The following WDR93 variants were observed in gnomAD, a reference collection of about 807,000 sequenced individuals.
WDR93 encodes the protein WD repeat-containing protein 93.
A neutral mutation model predicts 82.9 loss-of-function variants in WDR93; 73 were observed. That is an observed-to-expected ratio of 0.88 (90% confidence interval 0.73 to 1.07). The LOEUF (loss-of-function observed/expected upper bound fraction) is 1.07. Among genes scored for constraint, WDR93 ranks in the 50% least tolerant of loss-of-function variants. WDR93 has a pLI of 0.00. For synonymous variants in WDR93, 283 were observed against 300.1 expected, an observed-to-expected ratio of 0.94 and a Z score of 0.59; for missense variants, 738 against 826.0, an observed-to-expected ratio of 0.89 and a Z score of 1.31.
At chr15:89,694,111 A>T (rs780387025) in intron 1 of WDR93, among the ~76,000 whole-genome samples, 3 of 152,050 alleles carry the variant, frequency 2.0e-5, no homozygotes, top group Non-Finnish European at 4.4e-5. Flanking sequence ...GTGGTATCTC[A>T]TGATTTTAAT....
chr15:89,692,755 C>T (rs376841677), intron 1 of WDR93, among the ~76,000 whole-genome samples: 1 of 152,108 alleles, frequency 6.6e-6, no homozygotes, highest in Non-Finnish European at 1.5e-5. Context: ...TACAGGCATG[C>T]GCCACCACGC....
Position 89,729,738 on chromosome 15 carries a change from T to C in WDR93, c.1179T>C (p.Tyr393=). 1 of 1,613,638 alleles carries C rather than the reference T, an allele frequency of 6.2e-7. No individual in the cohort carries two copies. Among genetic ancestry groups the C allele is most frequent in the Non-Finnish European group, 8.5e-7 (1 of 1,179,924 alleles). Residue 393 remains tyrosine, a synonymous_variant, in exon 11 of 17, where the codon TAT becomes TAC. Transcript: ENST00000268130. Reference sequence around the variant, plus strand: ...CCAGAAGTCACAATTTCTTCCTGTATTCACTAAACCGAACTCTAAAGGATA... The same window carrying C: ...CCAGAAGTCACAATTTCTTCCTGTACTCACTAAACCGAACTCTAAAGGATA... ...HWTRSHNFFL[Y]SLNRTLKDKA... is the part of the protein sequence containing the mutation.
rs190483658 is a variant in WDR93 at position 89,737,027 on chromosome 15, G to C, written c.1609-546G>C. On this transcript the variant is annotated intron_variant, in intron 14 of 16. Coordinates refer to ENST00000268130, the MANE Select transcript of WDR93 (RefSeq NM_020212.2). ...AGGATGGTCTCGATCTCCTGACCTC[G>C]TGATCCGCCCACCTTGGCCTCCCAA... Among the ~76,000 whole-genome samples, 1,289 of 152,242 alleles carry C rather than the reference G, an allele frequency of 8.5e-3. 11 individuals are homozygous for C. Among genetic ancestry groups the C allele is most frequent in the Middle Eastern group, 0.02 (6 of 294 alleles).
At chr15:89,740,612 C>T (rs111730530) in intron 16 of WDR93, among the ~76,000 whole-genome samples, 6 of 152,254 alleles carry the variant, frequency 3.9e-5, no homozygotes, top group African/African-American at 1.4e-4. Context: ...AGCGATTCTC[C>T]TGCCTCAGCC....
At chr15:89,717,191 C>G (rs1966305041) in intron 7 of WDR93, among the ~76,000 whole-genome samples, 1 of 151,462 alleles carries the variant, frequency 6.6e-6, no homozygotes, top group Non-Finnish European at 1.5e-5. Context: ...TCCTGAGTAA[C>G]TAGGATTATA....
intron 11 of WDR93, among the ~76,000 whole-genome samples, chr15:89,730,775 A>G (rs574097190): frequency 6.6e-6 from 1 of 151,738 alleles, no homozygotes; most frequent in Admixed American, 6.6e-5. Flanking sequence ...AGTCCCAACT[A>G]CTCAGGAGGC....
At chr15:89,738,626 CAAAAAA>C (rs34617270) in intron 16 of WDR93, among the ~76,000 whole-genome samples, 1 of 81,458 alleles carries the variant, frequency 1.2e-5, no homozygotes, top group East Asian at 4.1e-4. Context: ...GACTCTGTCC[CAAAAAA>C]AAAAAAAAAA....
At chr15:89,713,763 A>G (rs1042535126) in intron 5 of WDR93, among the ~76,000 whole-genome samples, 8 of 152,068 alleles carry the variant, frequency 5.3e-5, no homozygotes, top group African/African-American at 1.9e-4. Context: ...ATGAGCCACC[A>G]CGCCTGGCGA....
intron 4 of WDR93, among the ~76,000 whole-genome samples, chr15:89,705,998 T>C (rs1222101133): frequency 6.6e-6 from 1 of 152,152 alleles, no homozygotes; most frequent in Non-Finnish European, 1.5e-5. Context: ...TGCCGCCTTG[T>C]CTCCCTACCA....
In WDR93 at chr15:89,731,466, G is replaced by A; in HGVS notation, c.1234G>A (p.Ala412Thr). Residue 412 changes from alanine to threonine, a missense_variant, in exon 12 of 17, where the codon GCT becomes ACT. Transcript: ENST00000268130. ...KADPEGVWPC[A>T]APIAVSQLSC... ...AGACCCCGAGGGTGTGTGGCCCTGT[G>A]CTGCGCCCATTGCAGTCTCTCAGCT... The A allele has an allele frequency of 1.2e-6, 2 of 1,614,184 alleles. No individual in the cohort carries two copies. Among genetic ancestry groups the A allele is most frequent in the East Asian group, 4.5e-5 (2 of 44,878 alleles).
chr15:89,703,033 G>A lies in WDR93; in HGVS notation c.387G>A (p.Leu129=). ...CCAAAGGATTCTCAATTTATAATCT[G>A]TACAGTGCTAAACAAATATATGCGT... ...GGAKGFSIYN[L]YSAKQIYAWE... The change falls in exon 3 of 17, where the codon CTG becomes CTA. Residue 129 remains leucine (L), a synonymous_variant. Coordinates refer to ENST00000268130, the MANE Select transcript of WDR93 (RefSeq NM_020212.2). The A allele has an allele frequency of 1.2e-6, 2 of 1,614,176 alleles. No individual in the cohort carries two copies. Among genetic ancestry groups the A allele is most frequent in the Non-Finnish European group, 8.5e-7 (1 of 1,180,024 alleles).
chr15:89,699,830 G>A (rs959369528), intron 1 of WDR93, among the ~76,000 whole-genome samples: 3 of 152,250 alleles, frequency 2.0e-5, no homozygotes, highest in Admixed American at 2.0e-4. Flanking sequence ...AGATATAACA[G>A]TTACAGCTTT....
intron 9 of WDR93, among the ~76,000 whole-genome samples, chr15:89,727,854 A>G (rs1966799575): frequency 6.6e-6 from 1 of 152,054 alleles, no homozygotes; most frequent in African/African-American, 2.4e-5. Flanking sequence ...AGTCTGAGGC[A>G]TGCAGATTAC....
At chr15:89,722,206 T>A in intron 8 of WDR93, 67 bp downstream of exon 8, 1 of 1,228,034 alleles carries the variant, frequency 8.1e-7, no homozygotes, top group Non-Finnish European at 1.1e-6. Flanking sequence ...TTTCCCCATG[T>A]CTTATCTTTT....
At position 89,737,774 on chromosome 15, in the gene WDR93, A is replaced by G. The variant is rs762434290; in HGVS notation, c.1765+45A>G. On this transcript the variant is annotated intron_variant, in intron 15 of 16. Coordinates refer to ENST00000268130, the MANE Select transcript of WDR93 (RefSeq NM_020212.2). ...CTGATGCCCACTGACCATTTCCCTG[A>G]CTTAGTTCTCTCACAAACAGAGAGA... The G allele has an allele frequency of 5.6e-6, 9 of 1,610,506 alleles. No homozygotes were observed. In the African/African-American group the frequency reaches 1.1e-4, roughly 19 times the overall value.
intron 9 of WDR93, among the ~76,000 whole-genome samples, chr15:89,727,664 TG>T (rs1201686305): frequency 6.6e-6 from 1 of 152,222 alleles, no homozygotes; most frequent in Non-Finnish European, 1.5e-5. Flanking sequence ...GAACAAAGGC[TG>T]ATAATAATGG....
chr15:89,732,511 G>A (rs894956390), intron 12 of WDR93, among the ~76,000 whole-genome samples: 12 of 152,126 alleles, frequency 7.9e-5, no homozygotes, highest in Non-Finnish European at 1.8e-4. Context: ...TATTATAGAA[G>A]CAAAAGATAT....
upstream of WDR93, chr15:89,690,799 G>A (rs1964828958): frequency 7.1e-6 from 4 of 561,304 alleles, no homozygotes; most frequent in Admixed American, 3.3e-5. Context: ...CAACTTCGCG[G>A]ACTTCCGGTT....
At chr15:89,743,237 C>T (rs1240800860) in intron 16 of WDR93, 55 bp from the exon 17 acceptor site, 8 of 1,588,768 alleles carry the variant, frequency 5.0e-6, no homozygotes, top group Admixed American at 1.7e-5. Context: ...CCTGGGGGCT[C>T]GGGAGCTGGG....
Sources: allele counts gnomAD v4.1 joint callset (sites outside exome capture counted in the v4.1 genomes callset), GRCh38; gene constraint gnomAD v4.1.1; transcripts MANE v1.5; gene names NCBI Gene and HGNC (gene_info 2026-07-23, HGNC 2026-07-21).